The following BTN3A1 variants were observed in gnomAD, a reference collection of about 807,000 sequenced individuals.
BTN3A1 encodes dJ45P21.3 (butyrophilin, subfamily 3, member A1).
A neutral mutation model predicts 43.0 loss-of-function variants in BTN3A1; 24 were observed. The ratio of observed to expected loss-of-function variants is 0.56; its 90% CI spans 0.40 to 0.78. BTN3A1 has a LOEUF of 0.78. Among genes scored for constraint, BTN3A1 ranks in the 30% least tolerant of loss-of-function variants. The pLI is 0.00. For missense variants in BTN3A1, 533 were observed against 626.2 expected (o/e 0.85, Z 1.59); for synonymous variants, 181 against 234.7 (o/e 0.77, Z 2.09).
chr6:26,405,258 A>G, intron 1 of BTN3A1, 114 bp from the exon 2 acceptor site: 1 of 435,364 alleles, frequency 2.3e-6, no homozygotes, highest in Non-Finnish European at 4.2e-6. Flanking sequence ...GGTGGGTTGG[A>G]CTTGGCAGGG....
At chr6:26,408,499 C>T (rs1295688695) in intron 4 of BTN3A1, among the ~76,000 whole-genome samples, 1 of 152,190 alleles carries the variant, frequency 6.6e-6, no homozygotes, top group Non-Finnish European at 1.5e-5. Context: ...TGTAGGAAGG[C>T]TGTGACTCCT....
rs3198487 is a variant in BTN3A1 at position 26,414,145 on chromosome 6, G to C, written c.*453G>C. ...ACTCCTTTAATCCTCGCAACACCCT[G>C]TCGGGTAGTCTCATTTAGCAAGTAT... On this transcript the variant is annotated 3_prime_UTR_variant, in exon 10 of 10. Transcript: ENST00000289361. 33,551 of 200,118 alleles carry C rather than the reference G, an allele frequency of 0.17. 3,083 individuals carry two copies. Among genetic ancestry groups the C allele is most frequent in the South Asian group, 0.22 (2,564 of 11,860 alleles). The allele number at this position is 200,118 out of a possible 1,614,324, so 12.4% of individuals were successfully genotyped here.
intron 2 of BTN3A1, 126 bp from the exon 3 acceptor site, chr6:26,405,783 C>T: frequency 3.2e-6 from 5 of 1,584,556 alleles, no homozygotes; most frequent in Non-Finnish European, 4.3e-6. Context: ...ACAAATGGTG[C>T]TTCTGTTAAG....
chr6:26,405,820 T>C, intron 2 of BTN3A1, 89 bp from the exon 3 acceptor site: 1 of 1,607,744 alleles, frequency 6.2e-7, no homozygotes, highest in African/African-American at 1.3e-5. Flanking sequence ...AGTTTCTTTG[T>C]ATCTCGCCTT....
Position 26,405,512 on chromosome 6 carries a change from A to G in BTN3A1, c.-52A>G. The G allele has an allele frequency of 6.6e-7, 1 of 1,526,250 alleles. No homozygotes were observed. The highest frequency in any genetic ancestry group is 9.1e-7 in the Non-Finnish European group (1 of 1,100,322). 94.5% of individuals were successfully genotyped at this position (1,526,250 alleles called of 1,614,324 possible). On this transcript the variant is annotated 5_prime_UTR_variant, in exon 2 of 10. Coordinates refer to ENST00000289361, the MANE Select transcript of BTN3A1 (RefSeq NM_007048.6). ...CATTTGGAATTCTATAGCTTCTTCCAGGTCATAGTGTCTGCCCCCCACCTT... is the reference window on the plus strand; with the variant it reads ...CATTTGGAATTCTATAGCTTCTTCCGGGTCATAGTGTCTGCCCCCCACCTT...
chr6:26,409,642 G>C lies in BTN3A1; in HGVS notation c.825G>C (p.Glu275Asp). The change falls in exon 5 of 10, where the codon GAG becomes GAC. Residue 275 changes from glutamate to aspartate, a missense_variant. Physicochemically the swap from Glu to Asp is conservative, Grantham distance 45. Around this residue, in one of 4 missense-constraint regions of BTN3A1, gnomAD observed 415 missense variants for 427.0 expected, o/e 0.97. Coordinates refer to ENST00000289361, the MANE Select transcript of BTN3A1 (RefSeq NM_007048.6). Reference protein sequence around the residue: ...GAGYFLWQQQEEKKTQFRKKK... With the variant: ...GAGYFLWQQQDEKKTQFRKKK... ...GTTACTTCCTGTGGCAACAGCAGGA[G>C]GAAAAAAAGACTCAGTTCAGAAAGA... The C allele has an allele frequency of 6.3e-7, 1 of 1,598,188 alleles. No homozygotes were observed. Among genetic ancestry groups the C allele is most frequent in the Non-Finnish European group, 8.5e-7 (1 of 1,175,808 alleles).
rs1762307901 is a variant in BTN3A1, at chr6:26,413,846, C to A, written c.*154C>A. ...CCCAGCTCAGAGCTGAGGGCCTCCC[C>A]CTCCACAGCAACCAATCACAACCAT... On this transcript the variant is annotated 3_prime_UTR_variant, in exon 10 of 10. Transcript: ENST00000289361. 2 of 1,427,816 alleles carry A rather than the reference C, an allele frequency of 1.4e-6. No homozygotes were observed. Among genetic ancestry groups the A allele is most frequent in the South Asian group, 1.2e-5 (1 of 84,248 alleles). 88.4% of individuals were successfully genotyped at this position (1,427,816 alleles called of 1,614,324 possible). A position where few individuals can be genotyped will look rare whatever the true frequency, so the allele number is the denominator to read the frequency against.
In BTN3A1 at chr6:26,408,967, G is replaced by T. The variant is rs1762111955; in HGVS notation, c.716-566G>T. ...AGTAATGTCATAACACTCACTAGGT[G>T]TCAGGCACTTTATAAGTATTAATTT... On this transcript the variant is annotated intron_variant, in intron 4 of 9. Transcript: ENST00000289361. Among the ~76,000 whole-genome samples the T allele has an allele frequency of 3.3e-5, 5 of 152,246 alleles. No homozygotes were observed. In the South Asian group the frequency reaches 6.2e-4, roughly 19 times the overall value.
In BTN3A1 at chr6:26,413,238, A is replaced by G. The variant is rs1318117949; in HGVS notation, c.1088A>G (p.Gln363Arg). The G allele has an allele frequency of 6.2e-7, 1 of 1,614,212 alleles. No individual in the cohort carries two copies. Among genetic ancestry groups the G allele is most frequent in the South Asian group, 1.1e-5 (1 of 91,082 alleles). The change falls in exon 10 of 10, where the codon CAG (glutamine) becomes CGG (arginine). Residue 363 changes from glutamine (Q) to arginine (R), a missense_variant. Transcript: ENST00000289361. ...LLVSEDQRSV[Q>R]RAKEPQDLPD... is the part of the protein sequence containing the mutation. ...GTTTCTGAGGACCAGAGGAGTGTGC[A>G]GCGTGCCAAGGAGCCCCAGGATCTG...
rs972934595 is a variant in BTN3A1 at position 26,414,370 on chromosome 6, G to T, written c.*678G>T. ...AGGATAAGGATCACTGTAGGTGGTT[G>T]TGGAGTTGACACCCCTGTTGACTCC... On this transcript the variant is annotated 3_prime_UTR_variant, in exon 10 of 10. Coordinates refer to ENST00000289361, the MANE Select transcript of BTN3A1 (RefSeq NM_007048.6). 3 of 155,008 alleles carry T rather than the reference G, an allele frequency of 1.9e-5. No individual in the cohort carries two copies. The allele number at this position is 155,008 out of a possible 1,614,324, so 9.6% of individuals were successfully genotyped here.
rs374921833 is a variant in BTN3A1, at chr6:26,405,606, C to T, written c.43C>T (p.Arg15Cys). 6.8e-6 allele frequency: 11 copies of T among 1,614,054 alleles called. No individual in the cohort carries two copies. The highest frequency in any genetic ancestry group is 5.0e-5 in the Admixed American group (3 of 60,008). The change falls in exon 2 of 10, where the codon CGT becomes TGT. Residue 15 changes from arginine (R) to cysteine (C), a missense_variant. Physicochemically the swap from Arg to Cys is radical, Grantham distance 180 (BLOSUM62 -3). This residue lies in a region of BTN3A1 where 56 missense variants were observed against 67.1 expected (regional missense o/e 0.83). Coordinates refer to ENST00000289361, the MANE Select transcript of BTN3A1 (RefSeq NM_007048.6). ...SFLAFLLLNF[R>C]VCLLLLQLLM... ...CCTGGCCTTCCTTCTGCTCAACTTT[C>T]GTGTCTGCCTCCTTTTGCTTCAGCT...
At chr6:26,408,343 A>T (rs1034143953) in intron 4 of BTN3A1, among the ~76,000 whole-genome samples, 1 of 152,230 alleles carries the variant, frequency 6.6e-6, no homozygotes, top group Admixed American at 6.5e-5. Context: ...GTCATAAATT[A>T]TTTAATTTAC....
In BTN3A1 at chr6:26,413,688, C is replaced by T. The variant is rs146475063; in HGVS notation, c.1538C>T (p.Ala513Val). 14 of 1,612,302 alleles carry T rather than the reference C, an allele frequency of 8.7e-6. No homozygotes were observed. The highest frequency in any genetic ancestry group is 5.5e-5 in the South Asian group (5 of 90,964). ...LEPTALTICP[A>V] ...CCCACGGCCCTGACTATTTGTCCAG[C>T]GTGAAAAGAAGAAGAGAGTTCCTCC... The change falls in exon 10 of 10, where the codon GCG (alanine) becomes GTG (valine). Residue 513 changes from alanine to valine, a missense_variant. By Grantham distance (64) the Ala-to-Val change is moderately conservative. Transcript: ENST00000289361.
chr6:26,407,221 A>G (rs1762049797), intron 3 of BTN3A1, among the ~76,000 whole-genome samples: 1 of 152,106 alleles, frequency 6.6e-6, no homozygotes, highest in African/African-American at 2.4e-5. Context: ...TCTTAGTGCA[A>G]TGCTTTTCCC....
At chr6:26,411,025 A>AAAAAAATTTT in intron 7 of BTN3A1, 84 bp from the exon 8 acceptor site, 2 of 796,992 alleles carry the variant, frequency 2.5e-6, no homozygotes, top group Non-Finnish European at 3.9e-6. Context: ...AAAAAAAAAG[A>AAAAAAATTTT]TTAGATGGAT....
In BTN3A1 at chr6:26,413,885, C is replaced by T. The variant is rs1343750094; in HGVS notation, c.*193C>T. 1.4e-5 allele frequency: 14 copies of T among 994,892 alleles called. No individual in the cohort carries two copies. The highest frequency in any genetic ancestry group is 7.7e-5 in the East Asian group (3 of 38,936). 61.6% of individuals were successfully genotyped at this position (994,892 alleles called of 1,614,324 possible). On this transcript the variant is annotated 3_prime_UTR_variant, in exon 10 of 10. Transcript: ENST00000289361. The stretch of plus-strand genomic sequence containing the variant: ...AATCACAACCATAAAGCTACAAGCA[C>T]GCACTGAAGCACTTTACTGATACTC...
In BTN3A1 at chr6:26,413,724, G is replaced by A. The variant is rs1055463932; in HGVS notation, c.*32G>A. 47 of 1,609,372 alleles carry A rather than the reference G, an allele frequency of 2.9e-5. No homozygotes were observed. The highest frequency in any genetic ancestry group is 3.3e-4 in the Middle Eastern group (2 of 6,082). On this transcript the variant is annotated 3_prime_UTR_variant, in exon 10 of 10. Transcript: ENST00000289361. Reference sequence around the variant, plus strand: ...GAAGAGAGTTCCTCCAATTCTGACCGAGTGCTGATCATTCCCTAGAGACAC... The same window carrying A: ...GAAGAGAGTTCCTCCAATTCTGACCAAGTGCTGATCATTCCCTAGAGACAC...
chr6:26,411,891 G>T (rs1193523058), intron 9 of BTN3A1: 2 of 299,440 alleles, frequency 6.7e-6, no homozygotes, highest in Non-Finnish European at 1.2e-5. Context: ...GGAGAGTGAG[G>T]ATGGAAATGC....
chr6:26,411,702 G>A (rs1762226637), intron 9 of BTN3A1, 121 bp downstream of exon 9: 4 of 1,282,832 alleles, frequency 3.1e-6, no homozygotes, highest in Non-Finnish European at 4.3e-6. Flanking sequence ...AGGAGAATTT[G>A]GGGTAGGCAA....
Sources: gnomAD v4.1 joint callset for allele counts (sites outside exome capture counted in the v4.1 genomes callset) on GRCh38, gnomAD v4.1.1 for gene constraint, gnomAD v4.1.1 regional missense constraint, MANE v1.5 for transcripts, NCBI Gene and HGNC (gene_info 2026-07-23, HGNC 2026-07-21) for gene names.